The following PLEKHA5 variants were observed in gnomAD, a reference collection of about 807,000 sequenced individuals.
The protein encoded by PLEKHA5 is pleckstrin homology domain containing A5.
A neutral mutation model predicts 181.9 loss-of-function variants in PLEKHA5; 55 were observed. The ratio of observed to expected loss-of-function variants is 0.30; its 90% confidence interval spans 0.24 to 0.38. The LOEUF is 0.38. PLEKHA5 is among the 10% of genes least tolerant of loss of function. The probability of loss-of-function intolerance (pLI) is 1.00; values close to 1 mark genes in which losing one functional copy is unlikely to be tolerated. For synonymous variants in PLEKHA5, 535 were observed against 529.4 expected (o/e 1.01, Z -0.15); for missense variants, 1,432 against 1,549.5 (o/e 0.92, Z 1.27).
chr12:19,180,672 A>G (rs193266783), intron 3 of PLEKHA5, among the ~76,000 whole-genome samples: 1 of 152,304 alleles, frequency 6.6e-6, no homozygotes, highest in East Asian at 1.9e-4. Flanking sequence ...TTATATTTCT[A>G]AAGACCCATG....
chr12:19,240,391 A>T (rs769149716), intron 3 of PLEKHA5, among the ~76,000 whole-genome samples: 1 of 150,216 alleles, frequency 6.7e-6, no homozygotes, highest in East Asian at 1.9e-4. Flanking sequence ...ATAAACTTCT[A>T]TATAATGCAT....
chr12:19,193,399 A>G (rs1208765799), intron 3 of PLEKHA5, among the ~76,000 whole-genome samples: 2 of 152,326 alleles, frequency 1.3e-5, no homozygotes, highest in Non-Finnish European at 2.9e-5. Flanking sequence ...TTCTTGTGAG[A>G]AGGCAGTTTA....
intron 8 of PLEKHA5, among the ~76,000 whole-genome samples, chr12:19,266,440 C>T (rs1044963236): frequency 4.6e-5 from 7 of 151,902 alleles, no homozygotes; most frequent in Non-Finnish European, 1.0e-4. Context: ...GACAGGATCA[C>T]GCCACTGCAG....
intron 12 of PLEKHA5, among the ~76,000 whole-genome samples, chr12:19,284,256 A>G (rs1042901922): frequency 6.6e-6 from 1 of 151,968 alleles, no homozygotes; most frequent in East Asian, 1.9e-4. Context: ...TTTAGTAGAG[A>G]TGTGGTTTCA....
At chr12:19,221,426 G>A (rs565787811) in intron 3 of PLEKHA5, among the ~76,000 whole-genome samples, 9 of 152,110 alleles carry the variant, frequency 5.9e-5, no homozygotes, top group Non-Finnish European at 1.2e-4. Flanking sequence ...TCCCATACAC[G>A]TTCTGGAAAT....
chr12:19,184,181 A>T (rs2049276174), intron 3 of PLEKHA5, among the ~76,000 whole-genome samples: 1 of 152,224 alleles, frequency 6.6e-6, no homozygotes, highest in South Asian at 2.1e-4. Context: ...TATGAAAAAG[A>T]TAAGAAGAAA....
chr12:19,369,105 G>C (rs568354748), intron 30 of PLEKHA5, among the ~76,000 whole-genome samples: 37 of 152,144 alleles, frequency 2.4e-4, no homozygotes, highest in African/African-American at 8.2e-4. Flanking sequence ...TACAATCTCA[G>C]CTCATTGCAG....
chr12:19,279,894 G>A (rs897315047), intron 11 of PLEKHA5, among the ~76,000 whole-genome samples: 2 of 151,946 alleles, frequency 1.3e-5, no homozygotes, highest in African/African-American at 4.8e-5. Flanking sequence ...CCCACAAAGA[G>A]AAGGTATATT....
At chr12:19,186,330 G>A (rs919794142) in intron 3 of PLEKHA5, among the ~76,000 whole-genome samples, 1 of 152,170 alleles carries the variant, frequency 6.6e-6, no homozygotes, top group East Asian at 1.9e-4. Flanking sequence ...AAAGGACATT[G>A]TCACATCTGC....
chr12:19,286,011 C>T (rs1251734382), intron 12 of PLEKHA5, among the ~76,000 whole-genome samples: 1 of 152,168 alleles, frequency 6.6e-6, no homozygotes, highest in Admixed American at 6.5e-5. Context: ...GAATGCTATC[C>T]TGTCACTTCA....
At chr12:19,133,254 A>G (rs942913410) in intron 3 of PLEKHA5, among the ~76,000 whole-genome samples, 1 of 152,022 alleles carries the variant, frequency 6.6e-6, no homozygotes, top group Admixed American at 6.5e-5. Context: ...TTTATGTTCA[A>G]ACTTAATAAC....
At chr12:19,143,197 C>T (rs370747584) in intron 3 of PLEKHA5, among the ~76,000 whole-genome samples, 1 of 152,288 alleles carries the variant, frequency 6.6e-6, no homozygotes, top group East Asian at 1.9e-4. Flanking sequence ...CTTGAGGAAC[C>T]TCCATACTGT....
At chr12:19,340,409 G>A (rs2093779547) in intron 21 of PLEKHA5, among the ~76,000 whole-genome samples, 5 of 141,460 alleles carry the variant, frequency 3.5e-5, no homozygotes, top group South Asian at 2.4e-4. Context: ...CGTCCGGGAG[G>A]TGAGGGGCGC....
At chr12:19,136,732 A>G (rs965070469) in intron 3 of PLEKHA5, among the ~76,000 whole-genome samples, 2 of 152,186 alleles carry the variant, frequency 1.3e-5, no homozygotes, top group Non-Finnish European at 2.9e-5. Context: ...GGGGTAAAAT[A>G]GTATGCAAAT....
intron 16 of PLEKHA5, among the ~76,000 whole-genome samples, chr12:19,315,885 T>A (rs1044474950): frequency 6.6e-6 from 1 of 152,154 alleles, no homozygotes; most frequent in African/African-American, 2.4e-5. Flanking sequence ...GGGTGACTTA[T>A]ATTTCAGCAC....
rs1268449191 is a variant in PLEKHA5 at position 19,302,040 on chromosome 12, C to A, written c.2037+10343C>A. Among the ~76,000 whole-genome samples, 3 of 152,166 alleles carry A rather than the reference C, an allele frequency of 2.0e-5. No individual in the cohort carries two copies. In the East Asian group the frequency reaches 5.8e-4, roughly 29 times the overall value. On this transcript the variant is annotated intron_variant, in intron 15 of 31. Coordinates refer to ENST00000429027, the MANE Select transcript of PLEKHA5 (RefSeq NM_001256470.2). ...CAAATTCTTTAGCTTTTTAGTTTTGCTGCACATCTTAAGAGCTTATTGATG... is the reference window on the plus strand; with the variant it reads ...CAAATTCTTTAGCTTTTTAGTTTTGATGCACATCTTAAGAGCTTATTGATG...
At chr12:19,286,032 C>T (rs1226168814) in intron 12 of PLEKHA5, among the ~76,000 whole-genome samples, 2 of 152,184 alleles carry the variant, frequency 1.3e-5, no homozygotes, top group African/African-American at 4.8e-5. Flanking sequence ...AGGAAAACAA[C>T]TGACAGTATT....
At position 19,255,096 on chromosome 12, in the gene PLEKHA5, GATAAATGAAGCTTCTAACT is replaced by G; in HGVS notation, c.368_386del (p.Asn123ThrfsTer2). ...AAAAGAAGGAACGGCCAATAAGTAT[GATAAATGAAGCTTCTAACT>G]ATAACGTGACTTCAGATTATGCAGT... On this transcript the variant is annotated frameshift_variant, in exon 5 of 32. Coordinates refer to ENST00000429027, the MANE Select transcript of PLEKHA5 (RefSeq NM_001256470.2). LOFTEE classifies it high-confidence loss of function. The G allele has an allele frequency of 6.2e-7, 1 of 1,609,844 alleles. No homozygotes were observed. Among genetic ancestry groups the G allele is most frequent in the Non-Finnish European group, 8.5e-7 (1 of 1,176,806 alleles).
intron 3 of PLEKHA5, among the ~76,000 whole-genome samples, chr12:19,166,642 T>G (rs926809368): frequency 5.3e-5 from 8 of 152,198 alleles, no homozygotes; most frequent in Non-Finnish European, 8.8e-5. Flanking sequence ...ATTTCTCTAC[T>G]CTCTGCAATT....
Sources: gnomAD v4.1 joint callset for allele counts (sites outside exome capture counted in the v4.1 genomes callset) on GRCh38, gnomAD v4.1.1 for gene constraint, MANE v1.5 for transcripts, NCBI Gene and HGNC (gene_info 2026-07-23, HGNC 2026-07-21) for gene names.